The following CNTNAP2 variants were observed in gnomAD, a reference collection of about 807,000 sequenced individuals.
CNTNAP2 encodes the protein contactin-associated protein-like 2.
A neutral mutation model predicts 155.2 loss-of-function variants in CNTNAP2; 98 were observed. The observed-to-expected ratio is 0.63, with a 90% confidence interval of 0.54 to 0.75. CNTNAP2 has a LOEUF of 0.75. Among genes scored for constraint, CNTNAP2 ranks in the 30% least tolerant of loss-of-function variants. The probability of loss-of-function intolerance (pLI) is 0.00; values close to 1 mark genes in which losing one functional copy is unlikely to be tolerated. For synonymous variants in CNTNAP2, 651 were observed against 631.2 expected, an observed-to-expected ratio of 1.03 and a Z score of -0.47; for missense variants, 1,727 against 1,688.1, an observed-to-expected ratio of 1.02 and a Z score of -0.40.
intron 1 of CNTNAP2, among the ~76,000 whole-genome samples, chr7:146,474,360 G>T (rs1056390006): frequency 6.7e-6 from 1 of 149,450 alleles, no homozygotes; most frequent in South Asian, 2.1e-4. Flanking sequence ...ACAATTTTGA[G>T]AACATTTGCC....
In CNTNAP2 at chr7:147,891,288, T is replaced by A. The variant is rs185491001; in HGVS notation, c.2099-12277T>A. The stretch of plus-strand genomic sequence containing the variant: ...GGTGAGATCTTGGCTCACTGCAACC[T>A]CTGCCTCCCGGGTTCAAGCGATTCT... On this transcript the variant is annotated intron_variant, in intron 13 of 23. Coordinates refer to ENST00000361727, the MANE Select transcript of CNTNAP2 (RefSeq NM_014141.6). Among the ~76,000 whole-genome samples the A allele has an allele frequency of 4.3e-3, 653 of 151,736 alleles. 4 individuals carry two copies. Among genetic ancestry groups the A allele is most frequent in the Admixed American group, 9.1e-3 (139 of 15,230 alleles).
intron 1 of CNTNAP2, among the ~76,000 whole-genome samples, chr7:146,747,195 A>G: frequency 6.6e-6 from 1 of 152,264 alleles, no homozygotes; most frequent in African/African-American, 2.4e-5. Flanking sequence ...AGATTTTCCT[A>G]ATATCTAATA....
intron 10 of CNTNAP2, among the ~76,000 whole-genome samples, chr7:147,407,393 GGGAGGT>G (rs2116479938): frequency 6.9e-6 from 1 of 144,604 alleles, no homozygotes; most frequent in Admixed American, 7.3e-5. Context: ...GCGTGAACCC[GGGAGGT>G]GGAGGTTGCA....
intron 1 of CNTNAP2, among the ~76,000 whole-genome samples, chr7:146,765,251 T>G (rs1471012823): frequency 6.6e-6 from 1 of 152,152 alleles, no homozygotes; most frequent in African/African-American, 2.4e-5. Flanking sequence ...TCTATATAAT[T>G]CAGGGGTTCC....
chr7:146,736,305 T>C (rs1051688929), intron 1 of CNTNAP2, among the ~76,000 whole-genome samples: 17 of 152,008 alleles, frequency 1.1e-4, no homozygotes, highest in Non-Finnish European at 2.2e-4. Flanking sequence ...GGCAGCAAAA[T>C]TGTGGCAGTT....
intron 3 of CNTNAP2, among the ~76,000 whole-genome samples, chr7:146,879,261 C>T (rs1795490418): frequency 6.6e-6 from 1 of 152,070 alleles, no homozygotes; most frequent in Admixed American, 6.6e-5. Context: ...TGATAAACTT[C>T]CTTTCCACTC....
rs191871112 is a variant in CNTNAP2 at position 147,547,898 on chromosome 7, G to T, written c.1778-14240G>T. Among the ~76,000 whole-genome samples the T allele has an allele frequency of 2.3e-3, 345 of 152,208 alleles. 2 individuals are homozygous for T. Among genetic ancestry groups the T allele is most frequent in the African/African-American group, 7.8e-3 (326 of 41,532 alleles). On this transcript the variant is annotated intron_variant, in intron 11 of 23. Transcript: ENST00000361727. ...CCTGTGTTAGTTTGCTAAGGATGAT[G>T]GCTTCCAGCTTCATCTATGTCCCTG...
At chr7:146,426,404 TATA>T (rs1563079298) in intron 1 of CNTNAP2, among the ~76,000 whole-genome samples, 23 of 137,478 alleles carry the variant, frequency 1.7e-4, no homozygotes, top group African/African-American at 6.8e-4. Context: ...TATATATATA[TATA>T]TACACACACA....
At position 147,476,374 on chromosome 7, in the gene CNTNAP2, G is replaced by A. The variant is rs550736275; in HGVS notation, c.1671-9561G>A. On this transcript the variant is annotated intron_variant, in intron 10 of 23. Coordinates refer to ENST00000361727, the MANE Select transcript of CNTNAP2 (RefSeq NM_014141.6). ...CCCACCTCAGCCTCCCAAAGTGCTG[G>A]GATTACAGGTGTGAGCCACCGCGCC... is the stretch of plus-strand genomic sequence containing the variant. Among the ~76,000 whole-genome samples, 947 of 151,850 alleles carry A rather than the reference G, an allele frequency of 6.2e-3. 13 individuals carry two copies. The highest frequency in any genetic ancestry group is 0.022 in the African/African-American group (911 of 41,452).
chr7:148,049,079 G>A (rs1459064202), intron 15 of CNTNAP2, among the ~76,000 whole-genome samples: 1 of 152,144 alleles, frequency 6.6e-6, no homozygotes, highest in East Asian at 1.9e-4. Flanking sequence ...GCCAGGTGTA[G>A]TGGTAGGTGC....
chr7:147,821,158 A>T (rs577947310), intron 13 of CNTNAP2, among the ~76,000 whole-genome samples: 1 of 152,254 alleles, frequency 6.6e-6, no homozygotes, highest in Admixed American at 6.5e-5. Context: ...ATAAAGAGGA[A>T]TAGGAATTTT....
At chr7:146,780,700 G>T (rs1048632534) in intron 2 of CNTNAP2, among the ~76,000 whole-genome samples, 6 of 152,042 alleles carry the variant, frequency 3.9e-5, no homozygotes, top group African/African-American at 1.2e-4. Flanking sequence ...CTATAGAAAA[G>T]AATAAGTTCA....
At position 147,869,556 on chromosome 7, in the gene CNTNAP2, A is replaced by C. The variant is rs140800453; in HGVS notation, c.2099-34009A>C. Among the ~76,000 whole-genome samples the C allele has an allele frequency of 5.8e-4, 89 of 152,312 alleles. No homozygotes were observed. In the East Asian group the frequency reaches 7.0e-3, roughly 12 times the overall value. ...CAGCACATCACCGTCAAGGAAAACA[A>C]GTACAAGAATAAATGGATGTTAATT... On this transcript the variant is annotated intron_variant, in intron 13 of 23. Coordinates refer to ENST00000361727, the MANE Select transcript of CNTNAP2 (RefSeq NM_014141.6).
chr7:147,736,668 G>A (rs1234733134), intron 13 of CNTNAP2, among the ~76,000 whole-genome samples: 6 of 152,136 alleles, frequency 3.9e-5, no homozygotes, highest in South Asian at 2.1e-4. Flanking sequence ...CCAATCAGAC[G>A]TAGATTTGGT....
chr7:148,215,226 C>T (rs930426547), intron 18 of CNTNAP2, among the ~76,000 whole-genome samples: 7 of 152,080 alleles, frequency 4.6e-5, no homozygotes, highest in African/African-American at 1.7e-4. Context: ...TAGTTAACTA[C>T]ATGCATATTC....
At chr7:148,136,745 G>T (rs1267417904) in intron 16 of CNTNAP2, among the ~76,000 whole-genome samples, 1 of 152,060 alleles carries the variant, frequency 6.6e-6, no homozygotes, top group African/African-American at 2.4e-5. Context: ...CTGTTCTCTC[G>T]ATGGAGCTAC....
At chr7:146,277,820 G>T in intron 1 of CNTNAP2, among the ~76,000 whole-genome samples, 1 of 152,230 alleles carries the variant, frequency 6.6e-6, no homozygotes, top group East Asian at 1.9e-4. Context: ...TTCATGAAAA[G>T]CTTCCTGGAT....
At chr7:147,866,462 C>T (rs1355381196) in intron 13 of CNTNAP2, among the ~76,000 whole-genome samples, 1 of 152,108 alleles carries the variant, frequency 6.6e-6, no homozygotes. Flanking sequence ...GAGTTCAAGT[C>T]CTGGATATCC....
chr7:146,204,955 G>C (rs879924181), intron 1 of CNTNAP2, among the ~76,000 whole-genome samples: 19 of 151,940 alleles, frequency 1.3e-4, no homozygotes, highest in Admixed American at 4.6e-4. Flanking sequence ...AACTCTCCAA[G>C]AGATAAAATA....
Sources: allele counts gnomAD v4.1 joint callset (sites outside exome capture counted in the v4.1 genomes callset), GRCh38; gene constraint gnomAD v4.1.1; transcripts MANE v1.5; gene names NCBI Gene and HGNC (gene_info 2026-07-23, HGNC 2026-07-21).